The following ARHGAP6 variants were observed in gnomAD, a reference collection of about 807,000 sequenced individuals.
ARHGAP6 encodes the protein rho GTPase-activating protein 6.
ARHGAP6 carries 16 observed loss-of-function variants against 55.7 expected under a neutral mutation model. The ratio of observed to expected loss-of-function variants is 0.29; its 90% CI spans 0.19 to 0.44. The LOEUF is 0.44. ARHGAP6 is among the 20% of genes least tolerant of loss of function. The pLI is 1.00. For synonymous variants in ARHGAP6, 382 were observed against 360.9 expected (o/e 1.06, Z -0.66); for missense variants, 698 against 808.9 (o/e 0.86, Z 1.66).
chrX:11,322,037 C>T (rs1418392679), intron 1 of ARHGAP6, among the ~76,000 whole-genome samples: 1 of 111,534 alleles, frequency 9.0e-6, no homozygotes, highest in African/African-American at 3.3e-5. Context: ...GTTGGCATAC[C>T]CACAGATACA....
chrX:11,529,250 G>C (rs2051023064), intron 1 of ARHGAP6, among the ~76,000 whole-genome samples: 1 of 112,072 alleles, frequency 8.9e-6, no homozygotes, highest in Non-Finnish European at 1.9e-5. Context: ...CTATAGTTTA[G>C]GCTTTGTGGG....
chrX:11,400,596 C>G (rs992431073), intron 1 of ARHGAP6, among the ~76,000 whole-genome samples: 1 of 109,344 alleles, frequency 9.1e-6, no homozygotes. Flanking sequence ...ACCACCTAAG[C>G]CTCCATTTTC....
chrX:11,356,401 C>A (rs2048931727), intron 1 of ARHGAP6, among the ~76,000 whole-genome samples: 1 of 111,722 alleles, frequency 9.0e-6, no homozygotes, highest in African/African-American at 3.3e-5. Flanking sequence ...GCACATTCTG[C>A]ACATGTATCC....
chrX:11,440,531 C>T (rs777938195), intron 1 of ARHGAP6, among the ~76,000 whole-genome samples: 18 of 111,644 alleles, frequency 1.6e-4, no homozygotes, highest in Non-Finnish European at 2.8e-4. Context: ...TCTCCTTTGC[C>T]TGTGTAACTC....
chrX:11,361,483 C>A (rs2049010128), intron 1 of ARHGAP6, among the ~76,000 whole-genome samples: 1 of 111,103 alleles, frequency 9.0e-6, no homozygotes, highest in African/African-American at 3.3e-5. Context: ...CCCTTCCTTA[C>A]ACCTTATACA....
chrX:11,151,778 T>G (rs1013464149), intron 10 of ARHGAP6, among the ~76,000 whole-genome samples: 10 of 112,226 alleles, frequency 8.9e-5, no homozygotes, highest in African/African-American at 3.2e-4. Flanking sequence ...CCCCTCCAAA[T>G]AAAATCTTGT....
At chrX:11,517,827 G>T (rs2050860428) in intron 1 of ARHGAP6, among the ~76,000 whole-genome samples, 1 of 110,412 alleles carries the variant, frequency 9.1e-6, no homozygotes, top group Non-Finnish European at 1.9e-5. Flanking sequence ...CAGGTGGTGG[G>T]GTTGGGGGAG....
intron 1 of ARHGAP6, among the ~76,000 whole-genome samples, chrX:11,328,734 G>A (rs961279297): frequency 4.5e-5 from 5 of 112,105 alleles, no homozygotes; most frequent in African/African-American, 6.5e-5. Flanking sequence ...GCTTGTTTGA[G>A]GTATTTTATT....
At chrX:11,143,811 C>A in intron 11 of ARHGAP6, 169 bp downstream of exon 11, 1 of 1,158,104 alleles carries the variant, frequency 8.6e-7, no homozygotes, top group Non-Finnish European at 1.1e-6. Flanking sequence ...ATACCTTCCT[C>A]TTCCTAGAGT....
At chrX:11,579,862 G>T (rs1040356296) in intron 1 of ARHGAP6, among the ~76,000 whole-genome samples, 3 of 112,026 alleles carry the variant, frequency 2.7e-5, no homozygotes, top group Non-Finnish European at 5.6e-5. Flanking sequence ...TCAAAACTGC[G>T]TCAGGAGACA....
At chrX:11,373,867 A>C (rs1158790104) in intron 1 of ARHGAP6, among the ~76,000 whole-genome samples, 1 of 112,176 alleles carries the variant, frequency 8.9e-6, no homozygotes, top group Non-Finnish European at 1.9e-5. Flanking sequence ...CATTTTCAAA[A>C]TTTATCCAAA....
chrX:11,243,420 A>G, intron 2 of ARHGAP6, among the ~76,000 whole-genome samples: 1 of 112,177 alleles, frequency 8.9e-6, no homozygotes, highest in South Asian at 3.7e-4. Flanking sequence ...ATTCTAGGAC[A>G]TGAGAAGGGA....
At chrX:11,663,874 C>T (rs1022854273) in intron 1 of ARHGAP6, among the ~76,000 whole-genome samples, 4 of 112,606 alleles carry the variant, frequency 3.6e-5, no homozygotes, top group East Asian at 2.8e-4. Flanking sequence ...ATATTTCATC[C>T]AATCGTTACA....
At chrX:11,569,675 T>C (rs974860916) in intron 1 of ARHGAP6, among the ~76,000 whole-genome samples, 2 of 111,872 alleles carry the variant, frequency 1.8e-5, no homozygotes, top group Non-Finnish European at 3.8e-5. Context: ...CCCATCCTAA[T>C]TGAGGTCTCA....
chrX:11,659,318 C>T (rs1344414356), intron 1 of ARHGAP6, among the ~76,000 whole-genome samples: 1 of 111,187 alleles, frequency 9.0e-6, no homozygotes, highest in African/African-American at 3.3e-5. Flanking sequence ...CACATCTGAT[C>T]ATGTTACACC....
At chrX:11,357,045 C>G (rs771755244) in intron 1 of ARHGAP6, among the ~76,000 whole-genome samples, 1 of 111,225 alleles carries the variant, frequency 9.0e-6, no homozygotes, top group African/African-American at 3.3e-5. Context: ...TAATACTACC[C>G]GAGCCTGTAC....
intron 1 of ARHGAP6, among the ~76,000 whole-genome samples, chrX:11,446,371 G>T (rs189699848): frequency 1.7e-3 from 189 of 111,835 alleles, no homozygotes; most frequent in African/African-American, 5.0e-3. Context: ...AGAAAGAAAA[G>T]AAATTGATAA....
intron 1 of ARHGAP6, among the ~76,000 whole-genome samples, chrX:11,531,176 T>TA (rs2051044842): frequency 9.0e-6 from 1 of 111,227 alleles, no homozygotes; most frequent in Admixed American, 9.6e-5. Context: ...AATTTACATA[T>TA]AAAAAATCTA....
chrX:11,415,786 G>T (rs2049739576), intron 1 of ARHGAP6, among the ~76,000 whole-genome samples: 1 of 112,035 alleles, frequency 8.9e-6, no homozygotes, highest in African/African-American at 3.2e-5. Flanking sequence ...GATGCTGCCA[G>T]CCTGGGCCCC....
Sources: allele counts gnomAD v4.1 joint callset (sites outside exome capture counted in the v4.1 genomes callset), GRCh38; gene constraint gnomAD v4.1.1; transcripts MANE v1.5; gene names NCBI Gene and HGNC (gene_info 2026-07-23, HGNC 2026-07-21).